PABPC4: variants seen among roughly 807,000 people sequenced by gnomAD.
PABPC4 encodes poly(A) binding protein cytoplasmic 4.
In PABPC4, 15 loss-of-function variants were observed where a neutral mutation model predicts 74.5. That is an observed-to-expected ratio of 0.20 (90% CI 0.13 to 0.31). PABPC4 has a LOEUF of 0.31. Ranked by LOEUF, PABPC4 falls within the 10% of genes least tolerant of loss-of-function variation. The pLI, the probability that PABPC4 is intolerant of heterozygous loss-of-function variation, is 1.00. For missense variants in PABPC4, 610 were observed against 853.5 expected, an observed-to-expected ratio of 0.71 and a Z score of 3.55; for synonymous variants, 345 against 303.0, an observed-to-expected ratio of 1.14 and a Z score of -1.44.
rs569992695 is a variant in PABPC4 at position 39,565,555 on chromosome 1, C to A, written c.973-177G>T. Among the ~76,000 whole-genome samples, 8 of 151,814 alleles carry A rather than the reference C, an allele frequency of 5.3e-5. No homozygotes were observed. The South Asian group carries it at 1.7e-3, about 32-fold the overall frequency. ...CATCTCAAAAAAACAAAGGGCCAGG[C>A]GCAGTGGCTCATGCCTGTAATCCCA... On this transcript the variant is annotated intron_variant, in intron 7 of 15. Coordinates refer to ENST00000372858, the MANE Select transcript of PABPC4 (RefSeq NM_001135653.2).
chr1:39,569,439 A>G, intron 5 of PABPC4, 156 bp downstream of exon 5: 2 of 633,380 alleles, frequency 3.2e-6, no homozygotes, highest in Non-Finnish European at 5.7e-6. Context: ...TGAAGTTAAC[A>G]TGCGGAACCC....
chr1:39,568,808 T>C lies in PABPC4; in HGVS notation c.870A>G (p.Arg290=), dbSNP rs760100103. ...TGGGCCAAGACCACCTTACCTGATATCGACTAATTCTCTCCTGTTTCAACT... is the reference window on the plus strand; with the variant it reads ...TGGGCCAAGACCACCTTACCTGATACCGACTAATTCTCTCCTGTTTCAACT... ...FEQLKQERIS[R]YQGVNLYIKN... Residue 290 remains arginine (R), a synonymous_variant, in exon 6 of 16, where the codon CGA becomes CGG. Transcript: ENST00000372858. 5.0e-5 allele frequency: 81 copies of C among 1,612,986 alleles called. No individual in the cohort carries two copies. The highest frequency in any genetic ancestry group is 1.3e-4 in the South Asian group (12 of 90,688).
chr1:39,569,610 G>C lies in PABPC4; in HGVS notation c.723C>G (p.His241Gln). 1 of 1,613,482 alleles carries C rather than the reference G, an allele frequency of 6.2e-7. No individual in the cohort carries two copies. Among genetic ancestry groups the C allele is most frequent in the African/African-American group, 1.3e-5 (1 of 75,022 alleles). The change falls in exon 5 of 16, where the codon CAC becomes CAG. Residue 241 changes from histidine to glutamine, a missense_variant. His to Gln is a conservative substitution (Grantham distance 24, BLOSUM62 0). This residue lies in a region of PABPC4 where 304 missense variants were observed against 478.9 expected (regional missense o/e 0.63). Transcript: ENST00000372858. ...KGFGFVSYEKHEDANKAVEEM... is the reference protein window; with the variant it reads ...KGFGFVSYEKQEDANKAVEEM... The stretch of plus-strand genomic sequence containing the variant: ...GTATACTCACCTTATTGGCATCCTC[G>C]TGTTTTTCGTAACTCACAAAGCCAA...
intron 10 of PABPC4, 48 bp downstream of exon 10, chr1:39,564,375 C>T (rs1557714033): frequency 6.9e-6 from 11 of 1,601,786 alleles, no homozygotes; most frequent in Non-Finnish European, 8.5e-6. Context: ...CCTAGTCATC[C>T]TGACTCCCTC....
In PABPC4 at chr1:39,567,779, G is replaced by T; in HGVS notation, c.944C>A (p.Ser315Tyr). 2 of 1,590,422 alleles carry T rather than the reference G, an allele frequency of 1.3e-6. No individual in the cohort carries two copies. Among genetic ancestry groups the T allele is most frequent in the Non-Finnish European group, 1.7e-6 (2 of 1,158,456 alleles). ...AGCACTGGTAATTGATCCAAAAGGA[G>T]AAAATTCTTTCCTTAATTTCTCATC... ...IDDEKLRKEFSPFGSITSAKV... is the reference protein window; with the variant it reads ...IDDEKLRKEFYPFGSITSAKV... Residue 315 changes from serine to tyrosine, a missense_variant, in exon 7 of 16, where the codon TCT (serine) becomes TAT (tyrosine). Ser to Tyr is a moderately radical substitution (Grantham distance 144). Around this residue, in one of 4 missense-constraint regions of PABPC4, gnomAD observed 304 missense variants for 478.9 expected, o/e 0.63. Coordinates refer to ENST00000372858, the MANE Select transcript of PABPC4 (RefSeq NM_001135653.2).
Position 39,571,673 on chromosome 1 carries a change from G to A in PABPC4, c.388-324C>T, listed in dbSNP as rs577416145. 2.2e-5 allele frequency: 11 copies of A among 494,538 alleles called. No individual in the cohort carries two copies. In the Admixed American group the frequency reaches 2.6e-4, roughly 12 times the overall value. The allele number at this position is 494,538 out of a possible 1,614,324, so 30.6% of individuals were successfully genotyped here. On this transcript the variant is annotated intron_variant, in intron 2 of 15. Coordinates refer to ENST00000372858, the MANE Select transcript of PABPC4 (RefSeq NM_001135653.2). ...GGAGGCCAAAGCAGGAGGATCGTTG[G>A]AGCCAGATCGTTGGACAATGGAGAC... is the stretch of plus-strand genomic sequence containing the variant.
At position 39,569,914 on chromosome 1, in the gene PABPC4, A is replaced by T. The variant is rs1266605331; in HGVS notation, c.592T>A (p.Phe198Ile). Reference sequence around the variant, plus strand: ...CTCTCATCATCCACCTCTTCCCCAAAGTTTTTGATATAAACATTGGTGAAT... The same window carrying T: ...CTCTCATCATCCACCTCTTCCCCAATGTTTTTGATATAAACATTGGTGAAT... ...KEFTNVYIKNFGEEVDDESLK... is the reference protein window; with the variant it reads ...KEFTNVYIKNIGEEVDDESLK... The change falls in exon 4 of 16, where the codon TTT (phenylalanine) becomes ATT (isoleucine). Residue 198 changes from phenylalanine to isoleucine, a missense_variant. Physicochemically the swap from Phe to Ile is conservative, Grantham distance 21. This residue lies in a region of PABPC4 where 304 missense variants were observed against 478.9 expected (regional missense o/e 0.63). Coordinates refer to ENST00000372858, the MANE Select transcript of PABPC4 (RefSeq NM_001135653.2). The T allele has an allele frequency of 6.2e-7, 1 of 1,614,022 alleles. No homozygotes were observed. The highest frequency in any genetic ancestry group is 1.1e-5 in the South Asian group (1 of 91,086).
At position 39,563,978 on chromosome 1, in the gene PABPC4, C is replaced by A. The variant is rs980705547; in HGVS notation, c.1454-56G>T. On this transcript the variant is annotated intron_variant, in intron 10 of 15. Transcript: ENST00000372858. The stretch of plus-strand genomic sequence containing the variant: ...TTGGCGGCAGATGTCCAACTGGCCA[C>A]GTCCCACGGAAGGAGAAATTTCAAA... 125 of 1,519,350 alleles carry A rather than the reference C, an allele frequency of 8.2e-5. 1 individual carries two copies. In the East Asian group the frequency reaches 8.8e-4, roughly 11 times the overall value. The allele number at this position is 1,519,350 out of a possible 1,614,324, so 94.1% of individuals were successfully genotyped here.
At position 39,564,563 on chromosome 1, in the gene PABPC4, A is replaced by G. The variant is rs768605694; in HGVS notation, c.1334-21T>C. ...GAAGCCTGGTGAAGAGAAAAATTGCACATCATTGAGAAGTGATGTGGACCA... is the reference window on the plus strand; with the variant it reads ...GAAGCCTGGTGAAGAGAAAAATTGCGCATCATTGAGAAGTGATGTGGACCA... On this transcript the variant is annotated intron_variant, in intron 9 of 15. Coordinates refer to ENST00000372858, the MANE Select transcript of PABPC4 (RefSeq NM_001135653.2). The G allele has an allele frequency of 3.1e-6, 5 of 1,613,778 alleles. No homozygotes were observed. The East Asian group carries it at 8.9e-5, about 29-fold the overall frequency.
In PABPC4 at chr1:39,569,591, T is replaced by C. The variant is rs1645907464; in HGVS notation, c.738+4A>G. 6.2e-7 allele frequency: 1 copy of C among 1,610,906 alleles called. No homozygotes were observed. The highest frequency in any genetic ancestry group is 1.1e-5 in the South Asian group (1 of 91,012). ...GCTTTTCCCAATCTTTGTGGTATAC[T>C]CACCTTATTGGCATCCTCGTGTTTT... On this transcript the variant is annotated splice_donor_region_variant and intron_variant, in intron 5 of 15. Coordinates refer to ENST00000372858, the MANE Select transcript of PABPC4 (RefSeq NM_001135653.2).
chr1:39,564,150 A>G, intron 10 of PABPC4: 2 of 612,492 alleles, frequency 3.3e-6, no homozygotes, highest in Non-Finnish European at 5.7e-6. Flanking sequence ...ACCCAAAAGA[A>G]CAAGCTGCCT....
intron 1 of PABPC4, among the ~76,000 whole-genome samples, chr1:39,572,913 C>T (rs1330264868): frequency 5.9e-5 from 9 of 152,152 alleles, no homozygotes. Context: ...TTTGACTAAG[C>T]TTTACCACTT....
At chr1:39,561,441 C>T in intron 15 of PABPC4, 2 of 479,128 alleles carry the variant, frequency 4.2e-6, no homozygotes, top group Non-Finnish European at 7.7e-6. Flanking sequence ...CTCTTCTTTC[C>T]CTATCTGGAG....
chr1:39,566,952 A>C (rs921929934), intron 7 of PABPC4, among the ~76,000 whole-genome samples: 1 of 152,178 alleles, frequency 6.6e-6, no homozygotes, highest in Non-Finnish European at 1.5e-5. Flanking sequence ...GTCCACTAAG[A>C]GCCAGGGCAG....
intron 3 of PABPC4, 159 bp downstream of exon 3, chr1:39,571,075 C>T (rs755820445): frequency 2.9e-5 from 44 of 1,512,776 alleles, no homozygotes; most frequent in East Asian, 1.4e-4. Flanking sequence ...AGGGCTGCCA[C>T]GGCTCAGGCA....
chr1:39,572,400 G>T lies in PABPC4; in HGVS notation c.380C>A (p.Ser127Tyr). 1.2e-6 allele frequency: 2 copies of T among 1,606,030 alleles called. No individual in the cohort carries two copies. Among genetic ancestry groups the T allele is most frequent in the Non-Finnish European group, 1.7e-6 (2 of 1,172,772 alleles). Reference protein sequence around the residue: ...DTFSAFGNILSCKVVCDENGS... With the variant: ...DTFSAFGNILYCKVVCDENGS... ...CATTTAATCAATGTTTACCTTGCAG[G>T]ACAGTATGTTTCCAAAAGCAGAAAA... Residue 127 changes from serine (S) to tyrosine (Y), a missense_variant, in exon 2 of 16, where the codon TCC (serine) becomes TAC (tyrosine). This residue lies in a region of PABPC4 where 304 missense variants were observed against 478.9 expected (regional missense o/e 0.63). Transcript: ENST00000372858.
chr1:39,571,474 G>A (rs1645938896), intron 2 of PABPC4, 125 bp from the exon 3 acceptor site: 5 of 1,104,254 alleles, frequency 4.5e-6, no homozygotes, highest in Non-Finnish European at 6.6e-6. Context: ...AAGTACACCA[G>A]TATAATTTTT....
Position 39,565,459 on chromosome 1 carries a change from T to G in PABPC4, c.973-81A>C, listed in dbSNP as rs1195932153. 9 of 1,454,740 alleles carry G rather than the reference T, an allele frequency of 6.2e-6. No individual in the cohort carries two copies. The African/African-American group carries it at 1.3e-4, about 20-fold the overall frequency. 90.1% of individuals were successfully genotyped at this position (1,454,740 alleles called of 1,614,324 possible). On this transcript the variant is annotated intron_variant, in intron 7 of 15. Coordinates refer to ENST00000372858, the MANE Select transcript of PABPC4 (RefSeq NM_001135653.2). ...GCTTGTGCCTGTAATCCCAGCACTTTGGAAGGCTGAGGTGGGAGGGCTGCT... is the reference window on the plus strand; with the variant it reads ...GCTTGTGCCTGTAATCCCAGCACTTGGGAAGGCTGAGGTGGGAGGGCTGCT...
In PABPC4 at chr1:39,576,120, A is replaced by G. The variant is rs902193504; in HGVS notation, c.-169T>C. 2.5e-5 allele frequency: 13 copies of G among 519,436 alleles called. No homozygotes were observed. The highest frequency in any genetic ancestry group is 2.2e-4 in the African/African-American group (11 of 49,098). 32.2% of individuals were successfully genotyped at this position (519,436 alleles called of 1,614,324 possible). A position where few individuals can be genotyped will look rare whatever the true frequency, so the allele number is the denominator to read the frequency against. On this transcript the variant is annotated 5_prime_UTR_variant, in exon 1 of 16. Transcript: ENST00000372858. Reference sequence around the variant, plus strand: ...GGCTTGGAGACGGGACGGAAACGGGAGGCGGGGGCCGGCTCCCACGGCCGC... The same window carrying G: ...GGCTTGGAGACGGGACGGAAACGGGGGGCGGGGGCCGGCTCCCACGGCCGC...
Sources: allele counts gnomAD v4.1 joint callset (sites outside exome capture counted in the v4.1 genomes callset), GRCh38; gene constraint gnomAD v4.1.1; regional missense constraint gnomAD v4.1.1; transcripts MANE v1.5; gene names NCBI Gene and HGNC (gene_info 2026-07-23, HGNC 2026-07-21).